RAP1GDS1: variants seen among roughly 807,000 people sequenced by gnomAD.
RAP1GDS1 encodes Rap1 GTPase-GDP dissociation stimulator 1.
Under a neutral mutation model 71.1 loss-of-function variants are expected in RAP1GDS1, and 35 were observed. The observed-to-expected ratio is 0.49, with a 90% CI of 0.38 to 0.65. The LOEUF (loss-of-function observed/expected upper bound fraction) is 0.65, where lower values mean the gene tolerates loss of function less well. Among genes scored for constraint, RAP1GDS1 ranks in the 30% least tolerant of loss-of-function variants. The pLI is 0.00. For missense variants in RAP1GDS1, 663 were observed against 706.1 expected (o/e 0.94, Z 0.69); for synonymous variants, 229 against 243.1 (o/e 0.94, Z 0.54).
Position 98,325,919 on chromosome 4 carries a change from T to TA in RAP1GDS1, c.113-17220_113-17219insA, listed in dbSNP as rs1188818559. 1.3e-4 allele frequency among the ~76,000 whole-genome samples: 6 copies of TA among 47,206 alleles called. No homozygotes were observed. In the South Asian group the frequency reaches 3.8e-3, roughly 30 times the overall value. The allele number at this position is 47,206 out of a possible 152,430, so 31.0% of individuals were successfully genotyped here. A position where few individuals can be genotyped will look rare whatever the true frequency, so the allele number is the denominator to read the frequency against. ...CACATGTACCCTAAAACTTAAAGTA[T>TA]TAAAAAAAAAAAGATTCAGTGTAGT... On this transcript the variant is annotated intron_variant, in intron 2 of 14. Coordinates refer to ENST00000408927, the MANE Select transcript of RAP1GDS1 (RefSeq NM_001100427.2).
chr4:98,362,566 A>G (rs903506786), intron 4 of RAP1GDS1, among the ~76,000 whole-genome samples: 4 of 147,890 alleles, frequency 2.7e-5, no homozygotes, highest in African/African-American at 1.1e-4. Flanking sequence ...TAAAAGCAGT[A>G]TATTTAATAG....
intron 1 of RAP1GDS1, among the ~76,000 whole-genome samples, chr4:98,292,160 T>C (rs1482632368): frequency 6.6e-6 from 1 of 151,240 alleles, no homozygotes; most frequent in South Asian, 2.1e-4. Flanking sequence ...AGGGTCTTGC[T>C]CTGCCACCCA....
At chr4:98,265,106 C>G (rs1442600878) in intron 1 of RAP1GDS1, among the ~76,000 whole-genome samples, 1 of 151,994 alleles carries the variant, frequency 6.6e-6, no homozygotes. Flanking sequence ...AGTGCAGGAT[C>G]GATTAGATGA....
At chr4:98,288,994 G>A (rs955419921) in intron 1 of RAP1GDS1, among the ~76,000 whole-genome samples, 2 of 152,212 alleles carry the variant, frequency 1.3e-5, no homozygotes, top group African/African-American at 4.8e-5. Context: ...ACAGGGATAT[G>A]TTCCAAGATC....
intron 7 of RAP1GDS1, among the ~76,000 whole-genome samples, chr4:98,413,385 C>G (rs377181315): frequency 6.6e-6 from 1 of 151,884 alleles, no homozygotes; most frequent in South Asian, 2.1e-4. Flanking sequence ...CCCACCCCAC[C>G]ACAGTCCCCA....
At chr4:98,353,164 A>G (rs1313009925) in intron 4 of RAP1GDS1, among the ~76,000 whole-genome samples, 1 of 152,212 alleles carries the variant, frequency 6.6e-6, no homozygotes, top group Non-Finnish European at 1.5e-5. Context: ...GAACTGGGGT[A>G]TGGGTATATT....
intron 1 of RAP1GDS1, among the ~76,000 whole-genome samples, chr4:98,283,513 G>A (rs1725497612): frequency 6.6e-6 from 1 of 152,086 alleles, no homozygotes; most frequent in Admixed American, 6.6e-5. Flanking sequence ...GTTTTGAAAT[G>A]CTTAAACTCT....
chr4:98,292,024 A>G (rs72894293), intron 1 of RAP1GDS1, among the ~76,000 whole-genome samples: 2,945 of 152,242 alleles, frequency 0.019, 103 homozygotes, highest in African/African-American at 0.067. Context: ...AATTTTCTTC[A>G]TCTATTCAAA....
At chr4:98,301,781 C>A (rs976655166) in intron 2 of RAP1GDS1, among the ~76,000 whole-genome samples, 1 of 152,158 alleles carries the variant, frequency 6.6e-6, no homozygotes, top group Non-Finnish European at 1.5e-5. Context: ...AGTGCATGGA[C>A]TCCAGGTGAC....
rs58691883 is a variant in RAP1GDS1 at position 98,377,628 on chromosome 4, T to TTGTGTG, written c.362-1371_362-1366dup. On this transcript the variant is annotated intron_variant, in intron 4 of 14. Coordinates refer to ENST00000408927, the MANE Select transcript of RAP1GDS1 (RefSeq NM_001100427.2). ...GTATTTCTGAGGTCTTACTATATAA[T>TTGTGTG]TGTGTGTGTGTGTGTGTGTGTGTAT... Among the ~76,000 whole-genome samples the TTGTGTG allele has an allele frequency of 5.7e-3, 852 of 149,384 alleles. 6 individuals are homozygous for TTGTGTG. The highest frequency in any genetic ancestry group is 0.018 in the South Asian group (87 of 4,736).
chr4:98,290,979 A>T (rs1198829707), intron 1 of RAP1GDS1, among the ~76,000 whole-genome samples: 2 of 152,158 alleles, frequency 1.3e-5, no homozygotes, highest in African/African-American at 4.8e-5. Context: ...GATCTATTGA[A>T]GAAGACCAAA....
At chr4:98,383,391 C>T (rs1578673066) in intron 5 of RAP1GDS1, among the ~76,000 whole-genome samples, 1 of 151,384 alleles carries the variant, frequency 6.6e-6, no homozygotes, top group Non-Finnish European at 1.5e-5. Flanking sequence ...TTCATCTGAC[C>T]TATATTTTAT....
chr4:98,407,298 C>A (rs1340298778), intron 7 of RAP1GDS1, among the ~76,000 whole-genome samples: 4 of 151,690 alleles, frequency 2.6e-5, no homozygotes, highest in African/African-American at 9.7e-5. Context: ...TGCACTTGTA[C>A]TCCCTAAATC....
chr4:98,395,444 C>T (rs1040474215), intron 6 of RAP1GDS1, among the ~76,000 whole-genome samples: 1 of 152,122 alleles, frequency 6.6e-6, no homozygotes, highest in Non-Finnish European at 1.5e-5. Flanking sequence ...TATACCATGC[C>T]AGCCTGTGCT....
At chr4:98,309,936 CT>C (rs963720740) in intron 2 of RAP1GDS1, among the ~76,000 whole-genome samples, 2 of 151,802 alleles carry the variant, frequency 1.3e-5, no homozygotes, top group South Asian at 4.1e-4. Context: ...TTTGAGTTAA[CT>C]TTTTAAAAAA....
At chr4:98,263,762 A>G (rs1160285148) in intron 1 of RAP1GDS1, among the ~76,000 whole-genome samples, 2 of 152,216 alleles carry the variant, frequency 1.3e-5, no homozygotes, top group East Asian at 3.9e-4. Context: ...CTGAAGATAT[A>G]GTCTTCATCT....
chr4:98,367,495 C>G (rs1024376816), intron 4 of RAP1GDS1, among the ~76,000 whole-genome samples: 1 of 152,166 alleles, frequency 6.6e-6, no homozygotes, highest in East Asian at 1.9e-4. Context: ...CCACCATCCT[C>G]CAGACCCCAG....
Position 98,355,097 on chromosome 4 carries a change from ATGT to A in RAP1GDS1, c.361+2500_361+2502del, listed in dbSNP as rs1282596643. On this transcript the variant is annotated intron_variant, in intron 4 of 14. Coordinates refer to ENST00000408927, the MANE Select transcript of RAP1GDS1 (RefSeq NM_001100427.2). ...ATAATATAAAAGCCTTGTAAATGTG[ATGT>A]TGTGTGGTTGATTTGGGAATTTACT... Among the ~76,000 whole-genome samples, 8 of 152,294 alleles carry A rather than the reference ATGT, an allele frequency of 5.3e-5. No individual in the cohort carries two copies. The South Asian group carries it at 1.2e-3, about 24-fold the overall frequency.
intron 4 of RAP1GDS1, among the ~76,000 whole-genome samples, chr4:98,356,173 G>T (rs564447396): frequency 2.0e-5 from 3 of 152,058 alleles, no homozygotes; most frequent in African/African-American, 7.2e-5. Context: ...AAATATGTGC[G>T]ATTGATGGGA....
Sources: gnomAD v4.1 joint callset for allele counts (sites outside exome capture counted in the v4.1 genomes callset) on GRCh38, gnomAD v4.1.1 for gene constraint, MANE v1.5 for transcripts, NCBI Gene and HGNC (gene_info 2026-07-23, HGNC 2026-07-21) for gene names.